The following ATR variants were observed in gnomAD, a reference collection of about 807,000 sequenced individuals.
The protein encoded by ATR is ATR checkpoint kinase, also known as serine/threonine-protein kinase ATR.
Under a neutral mutation model 305.3 loss-of-function variants are expected in ATR, and 142 were observed. The observed-to-expected ratio is 0.47, with a 90% CI of 0.41 to 0.53. The LOEUF is 0.53. ATR is among the 20% of genes least tolerant of loss of function. The probability of loss-of-function intolerance (pLI) is 0.00; values close to 1 mark genes in which losing one functional copy is unlikely to be tolerated. For missense variants in ATR, 2,135 were observed against 3,133.1 expected, an observed-to-expected ratio of 0.68 and a Z score of 7.60; for synonymous variants, 1,050 against 1,068.1, an observed-to-expected ratio of 0.98 and a Z score of 0.33.
At chr3:142,483,262 T>C (rs2030659017) in intron 36 of ATR, among the ~76,000 whole-genome samples, 1 of 152,208 alleles carries the variant, frequency 6.6e-6, no homozygotes, top group Non-Finnish European at 1.5e-5. Context: ...GATCTGAAGA[T>C]ATCCTTCCAT....
At chr3:142,521,297 T>C (rs999528475) in intron 23 of ATR, among the ~76,000 whole-genome samples, 1 of 152,208 alleles carries the variant, frequency 6.6e-6, no homozygotes, top group Non-Finnish European at 1.5e-5. Context: ...CAAATATTAC[T>C]GCTCATTGAC....
chr3:142,544,619 AG>A (rs1192680241), intron 16 of ATR, among the ~76,000 whole-genome samples: 20 of 126,080 alleles, frequency 1.6e-4, no homozygotes, highest in Non-Finnish European at 2.7e-4. Context: ...AGAAGAAAGG[AG>A]CAAAAAAAAA....
Position 142,469,396 on chromosome 3 carries a change from C to T in ATR, c.6493G>A (p.Ala2165Thr), listed in dbSNP as rs1288613889. ...EVFVVLMEII[A>T]KVFLAYPQQA... ...TGAGGATAGGCTAGAAATACTTTGG[C>T]TATTATTTCCATCAAGACAACAAAA... is the stretch of plus-strand genomic sequence containing the variant. The change falls in exon 38 of 47, where the codon GCC (alanine) becomes ACC (threonine). Residue 2165 changes from alanine (A) to threonine (T), a missense_variant. By Grantham distance (58) the Ala-to-Thr change is moderately conservative (BLOSUM62 0). Transcript: ENST00000350721. 6.2e-7 allele frequency: 1 copy of T among 1,613,718 alleles called. No individual in the cohort carries two copies. The highest frequency in any genetic ancestry group is 2.2e-5 in the East Asian group (1 of 44,872).
intron 27 of ATR, among the ~76,000 whole-genome samples, chr3:142,511,551 A>G (rs1264454363): frequency 6.6e-6 from 1 of 151,812 alleles, no homozygotes; most frequent in Admixed American, 6.6e-5. Context: ...AGCTACTCGC[A>G]AAGCTGAGGC....
At chr3:142,526,056 A>G (rs56107890) in intron 21 of ATR, among the ~76,000 whole-genome samples, 6,355 of 151,892 alleles carry the variant, frequency 0.042, 440 homozygotes, top group African/African-American at 0.14. Flanking sequence ...GCATTTTAAA[A>G]TTTTTCTTTT....
intron 23 of ATR, among the ~76,000 whole-genome samples, chr3:142,520,746 C>T (rs1006263613): frequency 6.6e-6 from 1 of 152,078 alleles, no homozygotes; most frequent in African/African-American, 2.4e-5. Context: ...AAGTTTGAAG[C>T]AAACAGAGGT....
Position 142,566,255 on chromosome 3 carries a change from A to G in ATR, c.158T>C (p.Val53Ala), listed in dbSNP as rs1172775063. 6.2e-7 allele frequency: 1 copy of G among 1,613,588 alleles called. No individual in the cohort carries two copies. The highest frequency in any genetic ancestry group is 8.5e-7 in the Non-Finnish European group (1 of 1,179,474). ...RILTDVNVVA[V>A]ELVKKTDSQP... ...AGAGTCAGTTTTCTTTACAAGTTCTACAGCAACTAAAACAATAAGATTCAT... is the reference window on the plus strand; with the variant it reads ...AGAGTCAGTTTTCTTTACAAGTTCTGCAGCAACTAAAACAATAAGATTCAT... The change falls in exon 3 of 47, where the codon GTA (valine) becomes GCA (alanine). Residue 53 changes from valine (V) to alanine (A), a missense_variant. Around this residue, in one of 9 missense-constraint regions of ATR, gnomAD observed 744 missense variants for 873.2 expected, o/e 0.85. Transcript: ENST00000350721.
Position 142,535,305 on chromosome 3 carries a change from CA to C in ATR, c.3820-101del, listed in dbSNP as rs1415182473. On this transcript the variant is annotated intron_variant, in intron 20 of 46. Coordinates refer to ENST00000350721, the MANE Select transcript of ATR (RefSeq NM_001184.4). ...CTATATAGTTACCATTAAACTATAC[CA>C]AACCAATTTTTTAAAGTAATGAAAT... 2.2e-6 allele frequency: 3 copies of C among 1,364,810 alleles called. No homozygotes were observed. The African/African-American group carries it at 4.3e-5, about 20-fold the overall frequency. 84.5% of individuals were successfully genotyped at this position (1,364,810 alleles called of 1,614,324 possible). A position where few individuals can be genotyped will look rare whatever the true frequency, so the allele number is the denominator to read the frequency against.
intron 41 of ATR, 56 bp from the exon 42 acceptor site, chr3:142,462,146 G>T (rs1366829499): frequency 6.7e-7 from 1 of 1,489,030 alleles, no homozygotes; most frequent in South Asian, 1.1e-5. Context: ...ATTTCTAAAT[G>T]TTATATCAAA....
intron 32 of ATR, among the ~76,000 whole-genome samples, chr3:142,498,232 AT>A (rs2108339426): frequency 6.6e-6 from 1 of 152,336 alleles, no homozygotes; most frequent in African/African-American, 2.4e-5. Context: ...TTGGGGGGAA[AT>A]ATCAAACACA....
intron 24 of ATR, among the ~76,000 whole-genome samples, chr3:142,518,353 C>T (rs2032997019): frequency 6.6e-6 from 1 of 152,150 alleles, no homozygotes; most frequent in Non-Finnish European, 1.5e-5. Context: ...TTCATCTCTA[C>T]TAAAAATACA....
At chr3:142,486,959 C>CAAAAAAAAAAAAAAA (rs60024459) in intron 35 of ATR, among the ~76,000 whole-genome samples, 1 of 69,706 alleles carries the variant, frequency 1.4e-5, no homozygotes, top group Non-Finnish European at 2.5e-5. Context: ...ACTAAAAATA[C>CAAAAAAAAAAAAAAA]AAAAAAAAAA....
intron 30 of ATR, among the ~76,000 whole-genome samples, chr3:142,503,105 C>T (rs775060557): frequency 2.8e-4 from 43 of 152,122 alleles, no homozygotes; most frequent in Non-Finnish European, 5.4e-4. Flanking sequence ...CTGAGCCTCA[C>T]CAATAGCCAG....
At position 142,466,516 on chromosome 3, in the gene ATR, G is replaced by A; in HGVS notation, c.6705C>T (p.Ser2235=). 6.2e-7 allele frequency: 1 copy of A among 1,613,340 alleles called. No individual in the cohort carries two copies. The highest frequency in any genetic ancestry group is 8.5e-7 in the Non-Finnish European group (1 of 1,179,658). ...TAAAATGAGTGCTCATGCTTAATGT[G>A]GAACTACTTCCATCAACCTGAAAAA... ...LCNKPVDGSS[S]TLSMSTHFKM... Residue 2235 remains serine (S), a synonymous_variant, in exon 40 of 47, where the codon TCC becomes TCT. Coordinates refer to ENST00000350721, the MANE Select transcript of ATR (RefSeq NM_001184.4).
At chr3:142,559,860 T>C (rs778580184) in intron 6 of ATR, among the ~76,000 whole-genome samples, 68 of 152,336 alleles carry the variant, frequency 4.5e-4, no homozygotes, top group Non-Finnish European at 7.5e-4. Context: ...CATGCCACTG[T>C]GCACCAGCCT....
chr3:142,500,268 C>T (rs73864548), intron 30 of ATR, among the ~76,000 whole-genome samples: 7,434 of 152,126 alleles, frequency 0.049, 592 homozygotes, highest in African/African-American at 0.17. Flanking sequence ...AAACTAGCTA[C>T]GTAAAATATA....
intron 1 of ATR, among the ~76,000 whole-genome samples, chr3:142,578,165 A>C (rs921049131): frequency 6.6e-6 from 1 of 152,234 alleles, no homozygotes; most frequent in Non-Finnish European, 1.5e-5. Context: ...TCACTTGCAG[A>C]AAATGAGAAG....
intron 8 of ATR, among the ~76,000 whole-genome samples, chr3:142,557,840 C>T (rs1031299003): frequency 2.6e-5 from 4 of 151,560 alleles, no homozygotes; most frequent in African/African-American, 9.7e-5. Context: ...GCCATGTTGG[C>T]CAGGCTGGTC....
intron 35 of ATR, among the ~76,000 whole-genome samples, chr3:142,488,003 C>T (rs903921451): frequency 2.6e-5 from 4 of 152,226 alleles, no homozygotes; most frequent in Admixed American, 6.5e-5. Flanking sequence ...CCACTCTGCT[C>T]AGTGCCCCAG....
Sources: allele counts gnomAD v4.1 joint callset (sites outside exome capture counted in the v4.1 genomes callset), GRCh38; gene constraint gnomAD v4.1.1; regional missense constraint gnomAD v4.1.1; transcripts MANE v1.5; gene names NCBI Gene and HGNC (gene_info 2026-07-23, HGNC 2026-07-21).